Variants in C12orf76 observed in about 807,000 individuals in gnomAD.
The protein encoded by C12orf76 is chromosome 12 open reading frame 76.
A neutral mutation model predicts 6.8 loss-of-function variants in C12orf76; 6 were observed. The ratio of observed to expected loss-of-function variants is 0.88; its 90% CI spans 0.48 to 1.73. The LOEUF (loss-of-function observed/expected upper bound fraction) is 1.73, where lower values mean the gene tolerates loss of function less well. C12orf76 is among the 40% of genes most tolerant of loss of function. The pLI is 0.01. For synonymous variants in C12orf76, 56 were observed against 43.7 expected, an observed-to-expected ratio of 1.28 and a Z score of -1.11; for missense variants, 99 against 98.2, an observed-to-expected ratio of 1.01 and a Z score of -0.03.
intron 4 of C12orf76, among the ~76,000 whole-genome samples, chr12:110,055,403 C>T (rs1892650979): frequency 6.6e-6 from 1 of 152,094 alleles, no homozygotes; most frequent in Non-Finnish European, 1.5e-5. Flanking sequence ...GACAGGGTTT[C>T]ACCATGTTGG....
intron 4 of C12orf76, among the ~76,000 whole-genome samples, chr12:110,055,146 A>G (rs1016560269): frequency 2.6e-5 from 4 of 152,214 alleles, no homozygotes; most frequent in African/African-American, 9.6e-5. Flanking sequence ...AAAGATTGTC[A>G]AGAAAGATGT....
In C12orf76 at chr12:110,059,085, C is replaced by T. The variant is rs1289652523; in HGVS notation, n.459G>A. 3 of 1,551,712 alleles carry T rather than the reference C, an allele frequency of 1.9e-6. No individual in the cohort carries two copies. In the South Asian group the frequency reaches 3.6e-5, roughly 18 times the overall value. Reference sequence around the variant, plus strand: ...CAGCGCCAGCTCTGAACGCAGCCATCTGGCTCCACAGCCTCAGCTCTCTTA... The same window carrying T: ...CAGCGCCAGCTCTGAACGCAGCCATTTGGCTCCACAGCCTCAGCTCTCTTA... On this transcript the variant is annotated non_coding_transcript_exon_variant, in exon 3 of 5. Transcript: ENST00000309050.
chr12:110,066,690 A>C (rs11064903), intron 1 of C12orf76, among the ~76,000 whole-genome samples: 1 of 133,730 alleles, frequency 7.5e-6, no homozygotes, highest in East Asian at 3.6e-4. Context: ...CTCTGTCTCA[A>C]AAAAAGAAAA....
At chr12:110,043,722 G>A (rs976117769) in intron 1 of C12orf76, among the ~76,000 whole-genome samples, 9 of 152,048 alleles carry the variant, frequency 5.9e-5, no homozygotes, top group African/African-American at 2.2e-4. Context: ...AGGTGTGGTG[G>A]TGTGTGCCTG....
intron 4 of C12orf76, chr12:110,057,092 T>A: frequency 1.3e-6 from 1 of 794,978 alleles, no homozygotes; most frequent in Non-Finnish European, 2.2e-6. Flanking sequence ...CTGCTTGTGC[T>A]GGACTCACCA....
chr12:110,058,341 A>C (rs1892710256), intron 3 of C12orf76, among the ~76,000 whole-genome samples: 1 of 152,190 alleles, frequency 6.6e-6, no homozygotes, highest in African/African-American at 2.4e-5. Flanking sequence ...TCAGTGGCTA[A>C]AGAGTATCCT....
chr12:110,065,639 T>A (rs1892846114), intron 2 of C12orf76, among the ~76,000 whole-genome samples: 1 of 152,112 alleles, frequency 6.6e-6, no homozygotes, highest in African/African-American at 2.4e-5. Flanking sequence ...ATCCCTTGCA[T>A]CTGGTGACTC....
At chr12:110,059,268 G>A in intron 2 of C12orf76, 1 of 1,332,992 alleles carries the variant, frequency 7.5e-7, no homozygotes, top group Non-Finnish European at 1.0e-6. Flanking sequence ...TAGTTTTCTT[G>A]TGAATTCTTC....
At chr12:110,050,906 G>A (rs1892563217), upstream of C12orf76, 1 of 639,456 alleles carries the variant, frequency 1.6e-6, no homozygotes. Flanking sequence ...CGTATTTCTG[G>A]CAACCACAGA....
At chr12:110,048,530 C>T, upstream of C12orf76, 2 of 1,379,902 alleles carry the variant, frequency 1.4e-6, no homozygotes, top group Non-Finnish European at 1.9e-6. Context: ...GAGGCCACTT[C>T]CGTCGCAAGC....
In C12orf76 at chr12:110,073,486, G is replaced by A. The variant is rs958467811; in HGVS notation, n.149C>T. 1.9e-4 allele frequency: 97 copies of A among 521,366 alleles called. 1 individual carries two copies. The highest frequency in any genetic ancestry group is 1.3e-3 in the South Asian group (90 of 71,278). The allele number at this position is 521,366 out of a possible 1,614,324, so 32.3% of individuals were successfully genotyped here. A position where few individuals can be genotyped will look rare whatever the true frequency, so the allele number is the denominator to read the frequency against. ...GTGCCATAATTGATGCTTTGGATCC[G>A]GGCGACTTTGTTTGTCTCATACAGG... On this transcript the variant is annotated non_coding_transcript_exon_variant, in exon 1 of 2. Coordinates refer to the C12orf76 transcript ENST00000548936.
At chr12:110,056,140 C>T (rs1167442762) in intron 4 of C12orf76, among the ~76,000 whole-genome samples, 5 of 151,780 alleles carry the variant, frequency 3.3e-5, no homozygotes, top group Non-Finnish European at 5.9e-5. Flanking sequence ...CCAGTTTGCA[C>T]ACTTTACCTG....
intron 3 of C12orf76, among the ~76,000 whole-genome samples, chr12:110,058,034 C>G (rs890647560): frequency 1.4e-5 from 2 of 142,324 alleles, no homozygotes; most frequent in Non-Finnish European, 1.5e-5. Context: ...ATTGCAAACT[C>G]CAGCCTGAGC....
At chr12:110,047,885 A>C (rs960421586) in intron 1 of C12orf76, among the ~76,000 whole-genome samples, 3 of 152,198 alleles carry the variant, frequency 2.0e-5, no homozygotes, top group Non-Finnish European at 4.4e-5. Context: ...GCCTAGCCTG[A>C]GCCCACACTG....
Position 110,048,408 on chromosome 12 carries a change from G to A in C12orf76, c.88C>T (p.Leu30=). 2 of 1,516,764 alleles carry A rather than the reference G, an allele frequency of 1.3e-6. No individual in the cohort carries two copies. Among genetic ancestry groups the A allele is most frequent in the Non-Finnish European group, 8.8e-7 (1 of 1,137,562 alleles). The allele number at this position is 1,516,764 out of a possible 1,614,324, so 94.0% of individuals were successfully genotyped here. ...ACCGCGTACGGCCGGCTCCGCTCCA[G>A]CGGATCCACGGGGCTCGGGGCCTCT... is the stretch of plus-strand genomic sequence containing the variant. ...EAEAPSPVDP[L]ERSRPYAVLR... Residue 30 remains leucine, a synonymous_variant, in exon 1 of 2, where the codon CTG becomes TTG. Coordinates refer to ENST00000615315, the MANE Select transcript of C12orf76 (RefSeq NM_001389625.1).
chr12:110,068,673 C>G (rs1009428798), upstream of C12orf76, among the ~76,000 whole-genome samples: 3 of 152,146 alleles, frequency 2.0e-5, no homozygotes, highest in African/African-American at 7.2e-5. Flanking sequence ...TGTTTAATTT[C>G]CCCCATAACC....
At chr12:110,058,720 T>C (rs952930795) in intron 3 of C12orf76, among the ~76,000 whole-genome samples, 1 of 152,198 alleles carries the variant, frequency 6.6e-6, no homozygotes, top group African/African-American at 2.4e-5. Flanking sequence ...GCCATAGCTA[T>C]AGAATACAGG....
At chr12:110,059,204 G>A in intron 2 of C12orf76, 5 of 1,528,676 alleles carry the variant, frequency 3.3e-6, no homozygotes, top group Non-Finnish European at 4.4e-6. Context: ...TAATTTTTGT[G>A]TGTTGATCTT....
At chr12:110,068,962 G>T (rs2137242226), upstream of C12orf76, among the ~76,000 whole-genome samples, 1 of 152,288 alleles carries the variant, frequency 6.6e-6, no homozygotes, top group African/African-American at 2.4e-5. Context: ...GCAACTTAAG[G>T]CAGCATTTCC....
Sources: gnomAD v4.1 joint callset for allele counts (sites outside exome capture counted in the v4.1 genomes callset) on GRCh38, gnomAD v4.1.1 for gene constraint, MANE v1.5 for transcripts, NCBI Gene and HGNC (gene_info 2026-07-23, HGNC 2026-07-21) for gene names.